Variants in KCNMA1 observed in about 807,000 individuals in gnomAD.
The protein encoded by KCNMA1 is potassium calcium-activated channel subfamily M alpha 1.
In KCNMA1, 29 loss-of-function variants were observed where a neutral mutation model predicts 140.0. The observed-to-expected ratio is 0.21, with a 90% CI of 0.15 to 0.28. KCNMA1 has a LOEUF of 0.28. Ranked by LOEUF, KCNMA1 falls within the 10% of genes least tolerant of loss-of-function variation. The probability of loss-of-function intolerance (pLI) is 1.00; values close to 1 mark genes in which losing one functional copy is unlikely to be tolerated. For missense variants in KCNMA1, 880 were observed against 1,602.2 expected (o/e 0.55, Z 7.70); for synonymous variants, 612 against 611.9 (o/e 1.00, Z 0.00).
intron 5 of KCNMA1, among the ~76,000 whole-genome samples, chr10:77,155,083 A>G (rs2098467656): frequency 6.6e-6 from 1 of 152,198 alleles, no homozygotes; most frequent in Non-Finnish European, 1.5e-5. Flanking sequence ...AGGAGAAGGC[A>G]GAAGCTCTAA....
chr10:77,627,069 C>G (rs1397993768), intron 1 of KCNMA1, among the ~76,000 whole-genome samples: 1 of 152,108 alleles, frequency 6.6e-6, no homozygotes, highest in Non-Finnish European at 1.5e-5. Context: ...GGGGAGATGA[C>G]AGCAGAGGCA....
In KCNMA1 at chr10:77,180,648, T is replaced by C. The variant is rs188487576; in HGVS notation, c.808+2773A>G. On this transcript the variant is annotated intron_variant, in intron 5 of 27. Coordinates refer to ENST00000286628, the MANE Select transcript of KCNMA1 (RefSeq NM_001161352.2). ...TTCCTGCTTTCCCAACACTGCAGTA[T>C]AGGAGGGTAGGGGGATAGGACTCTA... Among the ~76,000 whole-genome samples, 160 of 152,280 alleles carry C rather than the reference T, an allele frequency of 1.1e-3. 1 individual carries two copies. Among genetic ancestry groups the C allele is most frequent in the African/African-American group, 3.8e-3 (156 of 41,564 alleles).
chr10:76,922,077 G>A (rs1054004401), intron 23 of KCNMA1, among the ~76,000 whole-genome samples: 8 of 152,180 alleles, frequency 5.3e-5, no homozygotes, highest in Non-Finnish European at 1.2e-4. Context: ...GCCAATTTGT[G>A]ACTCCCCCGC....
chr10:77,136,628 G>A (rs976471081), intron 5 of KCNMA1, among the ~76,000 whole-genome samples: 1 of 150,844 alleles, frequency 6.6e-6, no homozygotes, highest in Non-Finnish European at 1.5e-5. Context: ...TGAAGTGCAT[G>A]GTCCCTATGA....
intron 19 of KCNMA1, among the ~76,000 whole-genome samples, chr10:76,979,121 C>T (rs2078611081): frequency 6.6e-6 from 1 of 152,130 alleles, no homozygotes; most frequent in Admixed American, 6.5e-5. Flanking sequence ...TTCTGCCACC[C>T]CACAGAACTG....
chr10:77,329,595 T>C (rs906597538), intron 2 of KCNMA1, among the ~76,000 whole-genome samples: 1 of 152,242 alleles, frequency 6.6e-6, no homozygotes, highest in Non-Finnish European at 1.5e-5. Flanking sequence ...GTATTTTTGT[T>C]ACAGCAGCTC....
At chr10:77,592,396 A>G (rs184944374) in intron 1 of KCNMA1, among the ~76,000 whole-genome samples, 1 of 152,352 alleles carries the variant, frequency 6.6e-6, no homozygotes, top group Admixed American at 6.5e-5. Context: ...TATTTGAGGA[A>G]GGCTTAAAGT....
chr10:77,185,330 A>G (rs79463852), intron 3 of KCNMA1, among the ~76,000 whole-genome samples: 2 of 152,058 alleles, frequency 1.3e-5, no homozygotes, highest in South Asian at 2.1e-4. Flanking sequence ...ACAGTTCCTC[A>G]TGCCCTCCAA....
chr10:77,430,752 G>C (rs1297540283), intron 1 of KCNMA1, among the ~76,000 whole-genome samples: 1 of 152,172 alleles, frequency 6.6e-6, no homozygotes, highest in Non-Finnish European at 1.5e-5. Flanking sequence ...TCTACTATAA[G>C]TACAACTCCC....
At chr10:77,297,587 G>A (rs1286447564) in intron 2 of KCNMA1, among the ~76,000 whole-genome samples, 11 of 152,132 alleles carry the variant, frequency 7.2e-5, no homozygotes, top group Admixed American at 6.5e-4. Flanking sequence ...AACCTATTTG[G>A]TAAACTGTAA....
At chr10:76,932,415 T>A (rs1257676761) in intron 23 of KCNMA1, among the ~76,000 whole-genome samples, 1 of 152,026 alleles carries the variant, frequency 6.6e-6, no homozygotes, top group African/African-American at 2.4e-5. Flanking sequence ...TAAAAAGAGG[T>A]AAAGTAATTT....
At chr10:77,085,875 G>T (rs886206826) in intron 11 of KCNMA1, among the ~76,000 whole-genome samples, 2 of 152,080 alleles carry the variant, frequency 1.3e-5, no homozygotes, top group African/African-American at 4.8e-5. Flanking sequence ...ATGCCATTTT[G>T]CCTTGTACCT....
At chr10:77,392,741 C>CT (rs1267924457) in intron 2 of KCNMA1, among the ~76,000 whole-genome samples, 1 of 152,230 alleles carries the variant, frequency 6.6e-6, no homozygotes, top group Non-Finnish European at 1.5e-5. Flanking sequence ...ACCTCACACG[C>CT]TTTCCCATCT....
At chr10:77,017,783 T>C (rs150419601) in intron 17 of KCNMA1, among the ~76,000 whole-genome samples, 1 of 152,272 alleles carries the variant, frequency 6.6e-6, no homozygotes, top group East Asian at 1.9e-4. Context: ...TCACTAGCAG[T>C]ATGGCTTTGG....
chr10:76,900,426 A>G (rs1051510507), intron 25 of KCNMA1, among the ~76,000 whole-genome samples: 5 of 152,062 alleles, frequency 3.3e-5, no homozygotes, highest in Non-Finnish European at 1.5e-5. Context: ...CAAAATTTCT[A>G]CTTAGTAGTT....
intron 20 of KCNMA1, among the ~76,000 whole-genome samples, chr10:76,967,590 GA>G (rs2074431946): frequency 1.3e-5 from 2 of 152,214 alleles, no homozygotes; most frequent in African/African-American, 4.8e-5. Flanking sequence ...GTCAGATGGA[GA>G]ATGTGGAGCA....
At chr10:77,467,276 G>A (rs1338105194) in intron 1 of KCNMA1, among the ~76,000 whole-genome samples, 1 of 152,194 alleles carries the variant, frequency 6.6e-6, no homozygotes, top group Admixed American at 6.5e-5. Context: ...CACACTGTTG[G>A]CAGGACATGT....
intron 1 of KCNMA1, among the ~76,000 whole-genome samples, chr10:77,497,638 T>G (rs1603629837): frequency 6.6e-6 from 1 of 152,210 alleles, no homozygotes; most frequent in Admixed American, 6.5e-5. Context: ...AAAAGAGAGC[T>G]GAGTTTAACC....
intron 25 of KCNMA1, among the ~76,000 whole-genome samples, chr10:76,895,590 G>A (rs971305024): frequency 2.6e-5 from 4 of 152,178 alleles, no homozygotes; most frequent in Non-Finnish European, 5.9e-5. Flanking sequence ...TCCGTGCAAT[G>A]AGTATTATTT....
Sources: allele counts gnomAD v4.1 joint callset (sites outside exome capture counted in the v4.1 genomes callset), GRCh38; gene constraint gnomAD v4.1.1; transcripts MANE v1.5; gene names NCBI Gene and HGNC (gene_info 2026-07-23, HGNC 2026-07-21).